Variants in PIK3R3 observed in about 807,000 individuals in gnomAD.
The protein encoded by PIK3R3 is phosphoinositide-3-kinase regulatory subunit 3, also known as phosphatidylinositol 3-kinase regulatory subunit gamma.
Under a neutral mutation model 62.9 loss-of-function variants are expected in PIK3R3, and 64 were observed. That is an observed-to-expected ratio of 1.02 (90% confidence interval 0.83 to 1.25). PIK3R3 has a LOEUF of 1.25. Ranked by LOEUF, PIK3R3 falls within the 50% of genes most tolerant of loss-of-function variation. The probability of loss-of-function intolerance (pLI) is 0.00; values close to 1 mark genes in which losing one functional copy is unlikely to be tolerated. For missense variants in PIK3R3, 614 were observed against 561.6 expected, an observed-to-expected ratio of 1.09 and a Z score of -0.94; for synonymous variants, 165 against 189.0, an observed-to-expected ratio of 0.87 and a Z score of 1.04.
At chr1:46,128,374 T>C (rs1352138529) in intron 1 of PIK3R3, among the ~76,000 whole-genome samples, 2 of 151,886 alleles carry the variant, frequency 1.3e-5, no homozygotes, top group African/African-American at 4.8e-5. Context: ...GATGTGGAGG[T>C]TGCAGTGAGC....
intron 1 of PIK3R3, among the ~76,000 whole-genome samples, chr1:46,111,675 A>G (rs974756671): frequency 2.6e-5 from 4 of 152,048 alleles, no homozygotes; most frequent in Non-Finnish European, 5.9e-5. Flanking sequence ...CAGTGAGCTG[A>G]GATCACACCA....
chr1:46,109,714 C>G (rs1002901304), intron 1 of PIK3R3, among the ~76,000 whole-genome samples: 2 of 152,112 alleles, frequency 1.3e-5, no homozygotes, highest in African/African-American at 2.4e-5. Context: ...GAACTTCTGA[C>G]CCCATGATCC....
At chr1:46,129,891 T>C (rs1198286039) in intron 1 of PIK3R3, among the ~76,000 whole-genome samples, 1 of 152,240 alleles carries the variant, frequency 6.6e-6, no homozygotes, top group African/African-American at 2.4e-5. Flanking sequence ...GTATTCTCAA[T>C]AGAATCTCAG....
the PIK3R3 span, among the ~76,000 whole-genome samples, chr1:46,154,144 C>A: frequency 1.3e-5 from 2 of 152,120 alleles, no homozygotes; most frequent in African/African-American, 4.8e-5. Context: ...AACATAGGCC[C>A]TGTTAAAACA....
chr1:46,124,677 T>C (rs890130547), intron 1 of PIK3R3, among the ~76,000 whole-genome samples: 1 of 150,604 alleles, frequency 6.6e-6, no homozygotes, highest in Non-Finnish European at 1.5e-5. Context: ...ATGCCTGTAA[T>C]CCCAGCTACT....
chr1:46,094,220 T>G (rs1651907826), intron 1 of PIK3R3, among the ~76,000 whole-genome samples: 1 of 152,162 alleles, frequency 6.6e-6, no homozygotes, highest in South Asian at 2.1e-4. Context: ...TAACTAGATA[T>G]TATAAAAGGT....
At chr1:46,118,109 T>A (rs1654344440) in intron 1 of PIK3R3, among the ~76,000 whole-genome samples, 1 of 151,942 alleles carries the variant, frequency 6.6e-6, no homozygotes, top group Admixed American at 6.6e-5. Context: ...GAAAAATACA[T>A]CAAAATATAT....
chr1:46,043,591 T>C lies in PIK3R3; in HGVS notation c.*82A>G, dbSNP rs920508282. 25 of 1,205,804 alleles carry C rather than the reference T, an allele frequency of 2.1e-5. No homozygotes were observed. The East Asian group carries it at 2.6e-4, about 12-fold the overall frequency. 74.7% of individuals were successfully genotyped at this position (1,205,804 alleles called of 1,614,324 possible). On this transcript the variant is annotated 3_prime_UTR_variant, in exon 10 of 10. Transcript: ENST00000262741. Reference sequence around the variant, plus strand: ...CTTCTTGTGCAAAACAAGCAGTCTATGTAGAAAGAATGCCCTCATCGTAGT... The same window carrying C: ...CTTCTTGTGCAAAACAAGCAGTCTACGTAGAAAGAATGCCCTCATCGTAGT...
chr1:46,144,240 C>T, the PIK3R3 span, among the ~76,000 whole-genome samples: 1 of 152,018 alleles, frequency 6.6e-6, no homozygotes, highest in Non-Finnish European at 1.5e-5. Flanking sequence ...CTTCAGAAAG[C>T]CAAGGAAGGA....
intron 1 of PIK3R3, among the ~76,000 whole-genome samples, chr1:46,109,226 G>C (rs534891900): frequency 6.7e-6 from 1 of 149,512 alleles, no homozygotes; most frequent in Admixed American, 6.7e-5. Context: ...TCTTACTTTT[G>C]CTTCACAGCA....
At chr1:46,073,554 C>G (rs576961459) in intron 3 of PIK3R3, among the ~76,000 whole-genome samples, 1 of 152,194 alleles carries the variant, frequency 6.6e-6, no homozygotes, top group Non-Finnish European at 1.5e-5. Flanking sequence ...AGATCAGACA[C>G]TTCCAGCTGG....
chr1:46,159,949 C>G, the PIK3R3 span, among the ~76,000 whole-genome samples: 1 of 152,124 alleles, frequency 6.6e-6, no homozygotes, highest in Non-Finnish European at 1.5e-5. Context: ...CTTCCTGACT[C>G]CCAGATTCTC....
intron 9 of PIK3R3, 68 bp downstream of exon 9, chr1:46,045,849 AT>A (rs1409490423): frequency 7.4e-7 from 1 of 1,351,896 alleles, no homozygotes; most frequent in African/African-American, 1.4e-5. Context: ...TCTGAATTTT[AT>A]GAGGGGTTGA....
upstream of PIK3R3, among the ~76,000 whole-genome samples, chr1:46,136,703 T>C (rs1441458965): frequency 6.6e-6 from 1 of 151,958 alleles, no homozygotes; most frequent in East Asian, 1.9e-4. Flanking sequence ...AGATCTGCTC[T>C]GCCTCACTCT....
chr1:46,092,570 A>G (rs1039766225), intron 1 of PIK3R3, among the ~76,000 whole-genome samples: 4 of 151,960 alleles, frequency 2.6e-5, no homozygotes, highest in African/African-American at 9.7e-5. Flanking sequence ...TCATCATGTT[A>G]GCCAGGCTGG....
chr1:46,101,080 G>A (rs1652618546), intron 1 of PIK3R3, among the ~76,000 whole-genome samples: 1 of 149,020 alleles, frequency 6.7e-6, no homozygotes, highest in African/African-American at 2.5e-5. Context: ...GCTGAGGCAT[G>A]AGAATCGTCT....
At position 46,043,727 on chromosome 1, in the gene PIK3R3, G is replaced by C. The variant is rs758443865; in HGVS notation, c.1332C>G (p.Leu444=). Reference sequence around the variant, plus strand: ...GAACAGGGTAGGCAAGCCTGACGTTGAGGGAGTCGTTGTGCTGAACCAAGG... The same window carrying C: ...GAACAGGGTAGGCAAGCCTGACGTTCAGGGAGTCGTTGTGCTGAACCAAGG... The part of the protein sequence containing the change: ...QTSLVQHNDS[L]NVRLAYPVHA... Residue 444 remains leucine (L), a synonymous_variant, in exon 10 of 10, where the codon CTC becomes CTG. Transcript: ENST00000262741. 1.2e-6 allele frequency: 2 copies of C among 1,614,106 alleles called. No individual in the cohort carries two copies. Among genetic ancestry groups the C allele is most frequent in the African/African-American group, 2.7e-5 (2 of 74,936 alleles).
At chr1:46,173,810 AACAC>A in the PIK3R3 span, among the ~76,000 whole-genome samples, 9 of 152,124 alleles carry the variant, frequency 5.9e-5, no homozygotes, top group Non-Finnish European at 1.0e-4. Context: ...CTCGAGCACA[AACAC>A]ACACTCTCAC....
In PIK3R3 at chr1:46,040,501, T is replaced by C. The variant is rs908115449; in HGVS notation, c.*3172A>G. ...GAATTTGTAAGGAAACGAGGTTGTT[T>C]GCCACAAGTGGCTGGAGCTAAAGCA... On this transcript the variant is annotated 3_prime_UTR_variant, in exon 10 of 10. Coordinates refer to ENST00000262741, the MANE Select transcript of PIK3R3 (RefSeq NM_003629.4). 27 of 229,160 alleles carry C rather than the reference T, an allele frequency of 1.2e-4. No individual in the cohort carries two copies. Among genetic ancestry groups the C allele is most frequent in the African/African-American group, 5.8e-4 (26 of 45,094 alleles). 14.2% of individuals were successfully genotyped at this position (229,160 alleles called of 1,614,324 possible).
Sources: gnomAD v4.1 joint callset for allele counts (sites outside exome capture counted in the v4.1 genomes callset) on GRCh38, gnomAD v4.1.1 for gene constraint, MANE v1.5 for transcripts, NCBI Gene and HGNC (gene_info 2026-07-23, HGNC 2026-07-21) for gene names.